Variants in BMPR1B observed in about 807,000 individuals in gnomAD.
BMPR1B encodes the protein bone morphogenetic protein receptor type-1B.
A neutral mutation model predicts 59.1 loss-of-function variants in BMPR1B; 12 were observed. That is an observed-to-expected ratio of 0.20 (90% CI 0.13 to 0.33). The LOEUF (loss-of-function observed/expected upper bound fraction) is 0.33, where lower values mean the gene tolerates loss of function less well. Among genes scored for constraint, BMPR1B ranks in the 10% least tolerant of loss-of-function variants. The pLI is 1.00. For synonymous variants in BMPR1B, 237 were observed against 207.3 expected (o/e 1.14, Z -1.23); for missense variants, 550 against 610.9 (o/e 0.90, Z 1.05).
intron 1 of BMPR1B, among the ~76,000 whole-genome samples, chr4:94,859,721 A>G (rs995314352): frequency 1.3e-5 from 2 of 149,934 alleles, no homozygotes; most frequent in African/African-American, 4.8e-5. Flanking sequence ...ACTTAAAAAA[A>G]AAGAGTTACT....
rs551669956 is a variant in BMPR1B at position 94,794,626 on chromosome 4, C to T, written c.-183+36558C>T. ...ACCTTGGGCAGTATGGCCACTTTCA[C>T]GATATTGATTCTTCCTACCCATGAG... On this transcript the variant is annotated intron_variant, in intron 1 of 12. Transcript: ENST00000515059. Among the ~76,000 whole-genome samples, 161 of 148,580 alleles carry T rather than the reference C, an allele frequency of 1.1e-3. 1 individual carries two copies. Among genetic ancestry groups the T allele is most frequent in the Non-Finnish European group, 1.9e-3 (127 of 67,266 alleles).
At chr4:95,013,772 T>A (rs896202176) in intron 3 of BMPR1B, among the ~76,000 whole-genome samples, 1 of 152,234 alleles carries the variant, frequency 6.6e-6, no homozygotes, top group African/African-American at 2.4e-5. Flanking sequence ...GATATTTTAT[T>A]ATACTACTTA....
At chr4:94,819,773 A>G (rs1296943820) in intron 1 of BMPR1B, among the ~76,000 whole-genome samples, 1 of 152,224 alleles carries the variant, frequency 6.6e-6, no homozygotes, top group Non-Finnish European at 1.5e-5. Context: ...TAATGGTAAG[A>G]AATGAACCTT....
At chr4:95,031,651 G>A (rs752122682) in intron 3 of BMPR1B, among the ~76,000 whole-genome samples, 3 of 152,108 alleles carry the variant, frequency 2.0e-5, no homozygotes, top group Non-Finnish European at 4.4e-5. Context: ...AGAAGCTACT[G>A]TGACTGCAAC....
chr4:95,122,596 AT>A (rs770094458), intron 6 of BMPR1B, among the ~76,000 whole-genome samples: 19 of 152,268 alleles, frequency 1.2e-4, no homozygotes, highest in Non-Finnish European at 4.4e-5. Context: ...TATATATTAT[AT>A]TTTGCTTATG....
intron 1 of BMPR1B, among the ~76,000 whole-genome samples, chr4:94,774,531 A>G (rs1045800358): frequency 1.3e-5 from 2 of 152,002 alleles, no homozygotes; most frequent in African/African-American, 4.8e-5. Flanking sequence ...AAAAAATTGG[A>G]TAACCTTTAT....
At chr4:95,065,845 A>G (rs1406359101) in intron 3 of BMPR1B, among the ~76,000 whole-genome samples, 2 of 152,194 alleles carry the variant, frequency 1.3e-5, no homozygotes, top group Non-Finnish European at 1.5e-5. Context: ...AATTATAATA[A>G]TATTTTATCT....
chr4:95,023,742 C>T (rs1724155809), intron 3 of BMPR1B, among the ~76,000 whole-genome samples: 1 of 152,086 alleles, frequency 6.6e-6, no homozygotes, highest in Admixed American at 6.6e-5. Context: ...TTGGGTTCCC[C>T]AGCTTTGAAA....
intron 3 of BMPR1B, among the ~76,000 whole-genome samples, chr4:95,036,884 A>G (rs900453648): frequency 3.9e-4 from 60 of 151,966 alleles, no homozygotes; most frequent in African/African-American, 1.3e-3. Flanking sequence ...GGCATTTGTT[A>G]TTGCCTTAGA....
intron 2 of BMPR1B, among the ~76,000 whole-genome samples, chr4:94,982,705 T>A (rs1721163892): frequency 2.0e-5 from 3 of 152,164 alleles, no homozygotes; most frequent in East Asian, 3.9e-4. Context: ...TTAAAAAAAA[T>A]TTGTCAGCCG....
At chr4:95,047,246 C>T (rs921373402) in intron 3 of BMPR1B, among the ~76,000 whole-genome samples, 3 of 152,152 alleles carry the variant, frequency 2.0e-5, no homozygotes, top group Non-Finnish European at 4.4e-5. Flanking sequence ...GATTTGTTTC[C>T]TCTCTCCCTT....
chr4:95,060,204 T>A (rs943998968), intron 3 of BMPR1B, among the ~76,000 whole-genome samples: 6 of 152,178 alleles, frequency 3.9e-5, no homozygotes, highest in African/African-American at 1.4e-4. Context: ...CTGAGAAGGC[T>A]TAAATTTAAT....
intron 3 of BMPR1B, among the ~76,000 whole-genome samples, chr4:95,060,710 G>T (rs1019821372): frequency 6.6e-6 from 1 of 152,146 alleles, no homozygotes; most frequent in Admixed American, 6.6e-5. Flanking sequence ...GTTGCAGTTT[G>T]CTTGCTCCTG....
chr4:94,872,033 G>T (rs60592097), intron 1 of BMPR1B, among the ~76,000 whole-genome samples: 4,364 of 152,290 alleles, frequency 0.029, 202 homozygotes, highest in African/African-American at 0.099. Flanking sequence ...CAAGTAATTT[G>T]TTTAATTGTC....
At chr4:94,770,937 A>G (rs992882945) in intron 1 of BMPR1B, among the ~76,000 whole-genome samples, 1 of 151,290 alleles carries the variant, frequency 6.6e-6, no homozygotes, top group Non-Finnish European at 1.5e-5. Context: ...TCCCATGATT[A>G]TATGTGTTAA....
intron 2 of BMPR1B, among the ~76,000 whole-genome samples, chr4:94,978,941 C>CACGT (rs1407255733): frequency 8.3e-6 from 1 of 120,540 alleles, no homozygotes; most frequent in Non-Finnish European, 1.7e-5. Flanking sequence ...GACACCATCA[C>CACGT]ACATACATAC....
chr4:94,963,673 G>A (rs915446304), intron 2 of BMPR1B, among the ~76,000 whole-genome samples: 1 of 152,002 alleles, frequency 6.6e-6, no homozygotes, highest in Non-Finnish European at 1.5e-5. Context: ...CTAGTTATGG[G>A]TTCTCTGTTC....
chr4:94,791,895 A>T (rs1361992106), intron 1 of BMPR1B, among the ~76,000 whole-genome samples: 2 of 151,212 alleles, frequency 1.3e-5, no homozygotes, highest in Non-Finnish European at 2.9e-5. Context: ...TGAATAGAGC[A>T]TTCTTTATTT....
At chr4:95,003,135 C>A (rs562673045) in intron 3 of BMPR1B, among the ~76,000 whole-genome samples, 1 of 151,854 alleles carries the variant, frequency 6.6e-6, no homozygotes. Flanking sequence ...TAAAGCTAAC[C>A]AATATTTTCT....
Sources: gnomAD v4.1 joint callset for allele counts (sites outside exome capture counted in the v4.1 genomes callset) on GRCh38, gnomAD v4.1.1 for gene constraint, MANE v1.5 for transcripts, NCBI Gene and HGNC (gene_info 2026-07-23, HGNC 2026-07-21) for gene names.